Variants in NIN observed in about 807,000 individuals in gnomAD.
The protein encoded by NIN is glycogen synthase kinase 3 beta-interacting protein.
In NIN, 137 loss-of-function variants were observed where a neutral mutation model predicts 257.6. The observed-to-expected ratio is 0.53, with a 90% CI of 0.46 to 0.61. NIN has a LOEUF of 0.61. Among genes scored for constraint, NIN ranks in the 20% least tolerant of loss-of-function variants. The probability of loss-of-function intolerance (pLI) is 0.00; values close to 1 mark genes in which losing one functional copy is unlikely to be tolerated. For synonymous variants in NIN, 918 were observed against 919.8 expected, an observed-to-expected ratio of 1.00 and a Z score of 0.04; for missense variants, 2,439 against 2,501.2, an observed-to-expected ratio of 0.98 and a Z score of 0.53.
chr14:50,780,147 G>C (rs2043076861), intron 5 of NIN, among the ~76,000 whole-genome samples: 1 of 152,186 alleles, frequency 6.6e-6, no homozygotes, highest in African/African-American at 2.4e-5. Flanking sequence ...CAGTGGCTGT[G>C]GCTTCCAGCA....
intron 21 of NIN, among the ~76,000 whole-genome samples, chr14:50,748,981 A>G (rs1234765770): frequency 2.0e-5 from 3 of 152,120 alleles, no homozygotes; most frequent in Non-Finnish European, 4.4e-5. Context: ...ATATGGAACA[A>G]AAAAGGAGCC....
intron 5 of NIN, among the ~76,000 whole-genome samples, chr14:50,790,426 T>C (rs1028909831): frequency 1.3e-5 from 2 of 152,208 alleles, no homozygotes; most frequent in Admixed American, 1.3e-4. Flanking sequence ...AACACTTTCT[T>C]TTTAGGCAAG....
intron 29 of NIN, chr14:50,727,533 CTGCAAAGGTTTAACAGTAAAA>C: frequency 5.6e-6 from 7 of 1,243,210 alleles, no homozygotes; most frequent in Non-Finnish European, 7.2e-6. Context: ...AGACATAATA[CTGCAAAGGTTTAACAGTAAAA>C]ATAATAAAAT....
chr14:50,766,775 T>C lies in NIN; in HGVS notation c.1545+5A>G. On this transcript the variant is annotated splice_donor_5th_base_variant and intron_variant, in intron 13 of 30. Transcript: ENST00000530997. ...TATCAGGAAATGAGATTTGAACAGGTTTACCTTTTCTGCTAACACATTTTC... is the reference window on the plus strand; with the variant it reads ...TATCAGGAAATGAGATTTGAACAGGCTTACCTTTTCTGCTAACACATTTTC... 6.3e-7 allele frequency: 1 copy of C among 1,594,592 alleles called. No homozygotes were observed. The highest frequency in any genetic ancestry group is 8.6e-7 in the Non-Finnish European group (1 of 1,162,376).
intron 17 of NIN, among the ~76,000 whole-genome samples, chr14:50,759,423 T>A (rs889926407): frequency 6.6e-6 from 1 of 151,714 alleles, no homozygotes; most frequent in Non-Finnish European, 1.5e-5. Context: ...AGTAAAAAAA[T>A]ATTTAAAAGA....
intron 4 of NIN, among the ~76,000 whole-genome samples, chr14:50,805,626 C>G (rs1426166522): frequency 6.6e-6 from 1 of 152,192 alleles, no homozygotes; most frequent in African/African-American, 2.4e-5. Flanking sequence ...CTGTGCCTCA[C>G]CTAAATAGGT....
Position 50,754,860 on chromosome 14 carries a change from A to G in NIN, c.4546T>C (p.Ser1516Pro). 1.3e-6 allele frequency: 2 copies of G among 1,567,602 alleles called. No homozygotes were observed. The highest frequency in any genetic ancestry group is 1.7e-6 in the Non-Finnish European group (2 of 1,160,708). Residue 1516 changes from serine (S) to proline (P), a missense_variant, in exon 19 of 31, where the codon TCT (serine) becomes CCT (proline). Physicochemically the swap from Ser to Pro is moderately conservative, Grantham distance 74 (BLOSUM62 -1). Coordinates refer to ENST00000530997, the MANE Select transcript of NIN (RefSeq NM_020921.4). Reference sequence around the variant, plus strand: ...GAATTTTCCTGTTGAAGCTTTTCAGATTCATATCTGAAGCACAGAGATTGA... The same window carrying G: ...GAATTTTCCTGTTGAAGCTTTTCAGGTTCATATCTGAAGCACAGAGATTGA... ...QQKVELLRYE[S>P]EKLQQENSIL...
intron 5 of NIN, among the ~76,000 whole-genome samples, chr14:50,784,403 G>A (rs2043257972): frequency 6.6e-6 from 1 of 152,212 alleles, no homozygotes; most frequent in African/African-American, 2.4e-5. Context: ...CCCTCTGTGT[G>A]CCTCAGTTTC....
chr14:50,720,631 T>TA lies in NIN; in HGVS notation c.*2831dup, dbSNP rs1422548499. The TA allele has an allele frequency of 1.5e-5, 3 of 206,348 alleles. No individual in the cohort carries two copies. Among genetic ancestry groups the TA allele is most frequent in the South Asian group, 1.9e-4 (1 of 5,306 alleles). 12.8% of individuals were successfully genotyped at this position (206,348 alleles called of 1,614,324 possible). ...GGAAGAATTCACATTTAAAACAGTT[T>TA]AAAAAATCTGGATTTAGTAAGAGTT... On this transcript the variant is annotated 3_prime_UTR_variant, in exon 31 of 31. Transcript: ENST00000530997.
chr14:50,822,034 T>C lies in NIN; in HGVS notation c.23A>G (p.Gln8Arg). Residue 8 changes from glutamine (Q) to arginine (R), a missense_variant, in exon 3 of 31, where the codon CAG becomes CGG. This residue lies in a region of NIN where 387 missense variants were observed against 427.3 expected (regional missense o/e 0.91). Coordinates refer to ENST00000530997, the MANE Select transcript of NIN (RefSeq NM_020921.4). MDEVEQD[Q>R]HEARLKELFD... ...CAGCTCCTTGAGTCGGGCCTCATGC[T>C]GGTCCTGCTCCACCTCATCCATCCC... 1 of 1,613,852 alleles carries C rather than the reference T, an allele frequency of 6.2e-7. No individual in the cohort carries two copies.
chr14:50,816,414 G>A (rs2044898209), intron 3 of NIN, among the ~76,000 whole-genome samples: 1 of 152,206 alleles, frequency 6.6e-6, no homozygotes, highest in Non-Finnish European at 1.5e-5. Context: ...TTGAATCCAG[G>A]ACTGCCTTCA....
At chr14:50,828,500 G>C (rs766756046) in intron 2 of NIN, among the ~76,000 whole-genome samples, 1 of 152,182 alleles carries the variant, frequency 6.6e-6, no homozygotes, top group Non-Finnish European at 1.5e-5. Flanking sequence ...CCCAACAGAT[G>C]CAAGTTCAAT....
intron 3 of NIN, among the ~76,000 whole-genome samples, chr14:50,815,842 T>C (rs999892682): frequency 4.6e-5 from 7 of 152,104 alleles, no homozygotes; most frequent in African/African-American, 1.7e-4. Context: ...AGCCCATCTC[T>C]ATTAAAGATA....
In NIN at chr14:50,774,859, C is replaced by T. The variant is rs561703760; in HGVS notation, c.667-1764G>A. ...GTGGATTCAGAAGACGGGGCCGGGG[C>T]TAGGCAGAAAACAATGCCGGTTAAA... On this transcript the variant is annotated intron_variant, in intron 7 of 30. Coordinates refer to ENST00000530997, the MANE Select transcript of NIN (RefSeq NM_020921.4). Among the ~76,000 whole-genome samples the T allele has an allele frequency of 5.3e-5, 8 of 152,280 alleles. No homozygotes were observed. In the South Asian group the frequency reaches 1.7e-3, roughly 32 times the overall value.
In NIN at chr14:50,759,851, TCTTAC is replaced by T; in HGVS notation, c.2399+1_2399+5del. ...CAGGTAGCTTCATTTCCCTTCACTTTCTTACCTTCCCTCCTGAAGCTCCCTTTGGT... is the reference window on the plus strand; with the variant it reads ...CAGGTAGCTTCATTTCCCTTCACTTTCTTCCCTCCTGAAGCTCCCTTTGGT... On this transcript the variant is annotated splice_donor_variant and splice_donor_5th_base_variant and intron_variant, in intron 17 of 30. Coordinates refer to ENST00000530997, the MANE Select transcript of NIN (RefSeq NM_020921.4). LOFTEE classifies it high-confidence loss of function. 1 of 1,598,468 alleles carries T rather than the reference TCTTAC, an allele frequency of 6.3e-7. No individual in the cohort carries two copies. Among genetic ancestry groups the T allele is most frequent in the Non-Finnish European group, 8.5e-7 (1 of 1,174,400 alleles).
rs781559599 is a variant in NIN, at chr14:50,760,356, G to A, written c.1900C>T (p.Arg634Cys). 35 of 1,599,794 alleles carry A rather than the reference G, an allele frequency of 2.2e-5. No individual in the cohort carries two copies. Among genetic ancestry groups the A allele is most frequent in the Admixed American group, 5.0e-5 (3 of 59,802 alleles). Residue 634 changes from arginine (R) to cysteine (C), a missense_variant, in exon 17 of 31, where the codon CGC (arginine) becomes TGC (cysteine). Transcript: ENST00000530997. ...TCGTCCAGCTGCTTTTCATAATGGCGCACCTGAAGGCACAGAGTGACACCA... is the reference window on the plus strand; with the variant it reads ...TCGTCCAGCTGCTTTTCATAATGGCACACCTGAAGGCACAGAGTGACACCA... ...CLRLELEDKV[R>C]HYEKQLDETV...
chr14:50,777,075 T>G lies in NIN; in HGVS notation c.540A>C (p.Gln180His). The stretch of plus-strand genomic sequence containing the variant: ...CTTGCAGTTTCTCTTCTATCCAGTC[T>G]TGGGGAGGGGAAGATCCACTCTGTG... ...NASQSGSSPPQDWIEEKLQEV... is the reference protein window; with the variant it reads ...NASQSGSSPPHDWIEEKLQEV... Residue 180 changes from glutamine (Q) to histidine (H), a missense_variant, in exon 7 of 31, where the codon CAA becomes CAC. By Grantham distance (24) the Gln-to-His change is conservative (BLOSUM62 0). Around this residue, in one of 3 missense-constraint regions of NIN, gnomAD observed 387 missense variants for 427.3 expected, o/e 0.91. Transcript: ENST00000530997. The G allele has an allele frequency of 6.2e-7, 1 of 1,614,188 alleles. No individual in the cohort carries two copies. The highest frequency in any genetic ancestry group is 8.5e-7 in the Non-Finnish European group (1 of 1,180,028).
chr14:50,786,482 A>G (rs1328660902), intron 5 of NIN, among the ~76,000 whole-genome samples: 1 of 152,252 alleles, frequency 6.6e-6, no homozygotes, highest in Non-Finnish European at 1.5e-5. Context: ...AGTATGTGTC[A>G]GAAAAAGAGA....
chr14:50,778,741 C>T (rs756524446), intron 6 of NIN, 24 bp downstream of exon 6: 13 of 1,612,914 alleles, frequency 8.1e-6, no homozygotes, highest in East Asian at 2.2e-5. Flanking sequence ...CTTCCAGGCA[C>T]GTCCTGACAC....
Sources: gnomAD v4.1 joint callset for allele counts (sites outside exome capture counted in the v4.1 genomes callset) on GRCh38, gnomAD v4.1.1 for gene constraint, gnomAD v4.1.1 regional missense constraint, MANE v1.5 for transcripts, NCBI Gene and HGNC (gene_info 2026-07-23, HGNC 2026-07-21) for gene names.